Variants in NPAS3 observed in about 807,000 individuals in gnomAD.
NPAS3 encodes neuronal PAS domain-containing protein 3.
NPAS3 carries 14 observed loss-of-function variants against 73.1 expected under a neutral mutation model. The ratio of observed to expected loss-of-function variants is 0.19; its 90% CI spans 0.13 to 0.30. NPAS3 has a LOEUF of 0.30. Among genes scored for constraint, NPAS3 ranks in the 10% least tolerant of loss-of-function variants. NPAS3 has a pLI of 1.00. For synonymous variants in NPAS3, 620 were observed against 541.5 expected (o/e 1.14, Z -2.01); for missense variants, 1,096 against 1,250.0 (o/e 0.88, Z 1.86).
chr14:33,319,969 A>G (rs1424414933), intron 3 of NPAS3, among the ~76,000 whole-genome samples: 1 of 152,156 alleles, frequency 6.6e-6, no homozygotes, highest in East Asian at 1.9e-4. Flanking sequence ...ACTATGACCA[A>G]TTCCTTATGG....
At chr14:33,650,917 C>G (rs772322985) in intron 5 of NPAS3, among the ~76,000 whole-genome samples, 33 of 152,076 alleles carry the variant, frequency 2.2e-4, no homozygotes, top group Non-Finnish European at 4.1e-4. Context: ...AGTTCTGATG[C>G]CCATTGTAGG....
chr14:33,064,296 T>A (rs1566520870), intron 2 of NPAS3, among the ~76,000 whole-genome samples: 1 of 152,166 alleles, frequency 6.6e-6, no homozygotes, highest in Non-Finnish European at 1.5e-5. Context: ...CAGCAAGACA[T>A]CTCTTTTAAT....
At chr14:33,245,192 T>A (rs570181082) in intron 3 of NPAS3, among the ~76,000 whole-genome samples, 1 of 152,208 alleles carries the variant, frequency 6.6e-6, no homozygotes, top group African/African-American at 2.4e-5. Flanking sequence ...GATGCCCTAG[T>A]TATACCACCT....
At chr14:33,351,875 C>A (rs1228374900) in intron 3 of NPAS3, among the ~76,000 whole-genome samples, 1 of 152,020 alleles carries the variant, frequency 6.6e-6, no homozygotes, top group East Asian at 1.9e-4. Context: ...GGGAAGGGAG[C>A]AATACACACC....
intron 1 of NPAS3, among the ~76,000 whole-genome samples, chr14:33,052,354 C>T (rs1251093534): frequency 6.6e-6 from 1 of 152,112 alleles, no homozygotes; most frequent in Non-Finnish European, 1.5e-5. Flanking sequence ...CTACCACCCC[C>T]AAAAACTACT....
chr14:33,234,282 A>G (rs1023071391), intron 3 of NPAS3, among the ~76,000 whole-genome samples: 2 of 152,150 alleles, frequency 1.3e-5, no homozygotes, highest in African/African-American at 4.8e-5. Flanking sequence ...GAATCTTTCT[A>G]GCATCCTTAT....
At chr14:33,332,326 T>TA (rs1445071079) in intron 3 of NPAS3, among the ~76,000 whole-genome samples, 1 of 152,220 alleles carries the variant, frequency 6.6e-6, no homozygotes, top group Non-Finnish European at 1.5e-5. Context: ...GCCGTATTTC[T>TA]AAAAAATTCA....
chr14:33,674,937 G>GTGACAGTT (rs1440251965), intron 5 of NPAS3, among the ~76,000 whole-genome samples: 1 of 152,170 alleles, frequency 6.6e-6, no homozygotes, highest in Non-Finnish European at 1.5e-5. Context: ...TACAGTCTCT[G>GTGACAGTT]TGACAGTTTT....
At chr14:32,950,610 G>A (rs1215547044) in intron 1 of NPAS3, among the ~76,000 whole-genome samples, 1 of 152,016 alleles carries the variant, frequency 6.6e-6, no homozygotes, top group African/African-American at 2.4e-5. Context: ...CTACTAGCAA[G>A]GTACAACAAT....
chr14:32,966,269 C>G (rs1323211895), intron 1 of NPAS3, among the ~76,000 whole-genome samples: 3 of 152,116 alleles, frequency 2.0e-5, no homozygotes, highest in Non-Finnish European at 4.4e-5. Flanking sequence ...AAGAACAAAG[C>G]TGCAGGCATT....
chr14:33,371,407 T>C (rs1408695216), intron 4 of NPAS3, among the ~76,000 whole-genome samples: 1 of 152,150 alleles, frequency 6.6e-6, no homozygotes, highest in Admixed American at 6.5e-5. Flanking sequence ...AGTGAGAGTA[T>C]GTTTATATGT....
At chr14:33,589,732 A>C (rs2056996429) in intron 5 of NPAS3, among the ~76,000 whole-genome samples, 2 of 152,218 alleles carry the variant, frequency 1.3e-5, no homozygotes, top group South Asian at 4.1e-4. Flanking sequence ...TGACTTCTTG[A>C]CCATGGTGTG....
intron 5 of NPAS3, among the ~76,000 whole-genome samples, chr14:33,620,337 C>G (rs1425996656): frequency 6.6e-6 from 1 of 152,018 alleles, no homozygotes; most frequent in Non-Finnish European, 1.5e-5. Flanking sequence ...TTTCCTTATT[C>G]AAAAATAAAT....
At chr14:33,051,688 A>G (rs925271448) in intron 1 of NPAS3, among the ~76,000 whole-genome samples, 1 of 152,218 alleles carries the variant, frequency 6.6e-6, no homozygotes, top group African/African-American at 2.4e-5. Flanking sequence ...TCAAACCCTC[A>G]AAGAGGTGAA....
chr14:33,733,075 G>A (rs999363691), intron 6 of NPAS3, among the ~76,000 whole-genome samples: 1 of 152,112 alleles, frequency 6.6e-6, no homozygotes, highest in Non-Finnish European at 1.5e-5. Context: ...CACTTCTCTG[G>A]GAAGCTTCAT....
At chr14:33,323,496 C>G (rs1051795488) in intron 3 of NPAS3, among the ~76,000 whole-genome samples, 5 of 152,152 alleles carry the variant, frequency 3.3e-5, no homozygotes, top group Non-Finnish European at 5.9e-5. Flanking sequence ...GTTCAGTAAA[C>G]AGTTGAACTA....
intron 4 of NPAS3, among the ~76,000 whole-genome samples, chr14:33,545,508 G>T (rs1318332505): frequency 6.6e-6 from 1 of 152,198 alleles, no homozygotes; most frequent in Non-Finnish European, 1.5e-5. Flanking sequence ...AGAAAACAGT[G>T]AAGTTGTTAA....
chr14:33,138,885 C>T (rs752238135), intron 2 of NPAS3, among the ~76,000 whole-genome samples: 1 of 152,066 alleles, frequency 6.6e-6, no homozygotes, highest in Non-Finnish European at 1.5e-5. Context: ...TATATTCTGT[C>T]GTGACAAGGA....
chr14:33,577,155 G>C (rs932993303), intron 5 of NPAS3, among the ~76,000 whole-genome samples: 1 of 152,114 alleles, frequency 6.6e-6, no homozygotes, highest in African/African-American at 2.4e-5. Context: ...CAGAAATATG[G>C]TGTTCTTTAA....
Sources: allele counts gnomAD v4.1 joint callset (sites outside exome capture counted in the v4.1 genomes callset), GRCh38; gene constraint gnomAD v4.1.1; transcripts MANE v1.5; gene names NCBI Gene and HGNC (gene_info 2026-07-23, HGNC 2026-07-21).